The following LINC00632 variants were observed in gnomAD, a reference collection of about 807,000 sequenced individuals.
LINC00632 encodes the protein ALDOA related specific transcript.
At chrX:140,776,689 G>C (rs1931877133) in exon 5 of LINC00632, among the ~76,000 whole-genome samples, 1 of 111,884 alleles carries the variant, frequency 8.9e-6, no homozygotes, top group Non-Finnish European at 1.9e-5. Context: ...TTACACTGTC[G>C]GTGGGAGTGT....
At chrX:140,766,285 A>T (rs1425873862) in intron 3 of LINC00632, among the ~76,000 whole-genome samples, 2 of 111,877 alleles carry the variant, frequency 1.8e-5, no homozygotes, top group East Asian at 5.6e-4. Context: ...TATTTAAAAA[A>T]CTTCCATCCA....
At chrX:140,735,560 T>C (rs1404195653) in intron 3 of LINC00632, among the ~76,000 whole-genome samples, 1 of 110,348 alleles carries the variant, frequency 9.1e-6, no homozygotes, top group Non-Finnish European at 1.9e-5. Flanking sequence ...AAATGGTATT[T>C]ATTTATTTAT....
At chrX:140,767,724 T>C (rs1198388886) in intron 3 of LINC00632, among the ~76,000 whole-genome samples, 1 of 111,786 alleles carries the variant, frequency 8.9e-6, no homozygotes, top group Non-Finnish European at 1.9e-5. Context: ...GATAGATAGA[T>C]AGAGGAGAGG....
At chrX:140,778,430 C>G (rs1931898402) in exon 5 of LINC00632, among the ~76,000 whole-genome samples, 2 of 110,438 alleles carry the variant, frequency 1.8e-5, no homozygotes, top group Non-Finnish European at 3.8e-5. Context: ...CATGGTGAAA[C>G]CCCATCTCTA....
intron 3 of LINC00632, among the ~76,000 whole-genome samples, chrX:140,771,678 TA>T (rs1343775178): frequency 5.6e-4 from 11 of 19,668 alleles, no homozygotes; most frequent in Non-Finnish European, 8.2e-4. Flanking sequence ...TATATATATA[TA>T]TATATATTTT....
chrX:140,771,675 A>AT (rs1258797034), intron 3 of LINC00632, among the ~76,000 whole-genome samples: 35 of 25,189 alleles, frequency 1.4e-3, no homozygotes, highest in Non-Finnish European at 2.2e-3. Flanking sequence ...GTATATATAT[A>AT]TATATATATA....
intron 3 of LINC00632, among the ~76,000 whole-genome samples, chrX:140,739,367 GCAC>G (rs899041413): frequency 3.6e-5 from 4 of 109,732 alleles, no homozygotes; most frequent in Non-Finnish European, 7.6e-5. Flanking sequence ...TTACAGGCAT[GCAC>G]CACCACGCCC....
chrX:140,783,396 T>C, exon 5 of LINC00632: 2 of 473,022 alleles, frequency 4.2e-6, no homozygotes, highest in Non-Finnish European at 7.2e-6. Context: ...CAGCAATTAC[T>C]GGTCTTCCAC....
exon 5 of LINC00632, among the ~76,000 whole-genome samples, chrX:140,790,638 C>T (rs1321760636): frequency 1.8e-5 from 2 of 111,167 alleles, no homozygotes; most frequent in African/African-American, 6.5e-5. Flanking sequence ...ATGTCAAGAA[C>T]TGCCATCTTT....
At chrX:140,778,333 G>A (rs1029335237) in exon 5 of LINC00632, among the ~76,000 whole-genome samples, 3 of 112,324 alleles carry the variant, frequency 2.7e-5, no homozygotes, top group African/African-American at 3.2e-5. Flanking sequence ...TTGGCTGGGC[G>A]TGGTGGCTCA....
At chrX:140,774,742 TGTTTTA>T (rs1241180116) in exon 5 of LINC00632, among the ~76,000 whole-genome samples, 1 of 111,833 alleles carries the variant, frequency 8.9e-6, no homozygotes, top group Non-Finnish European at 1.9e-5. Context: ...TTTATTTTAT[TGTTTTA>T]GTTTGGTGAA....
exon 5 of LINC00632, among the ~76,000 whole-genome samples, chrX:140,789,079 T>A (rs1207141246): frequency 3.7e-5 from 4 of 109,021 alleles, no homozygotes; most frequent in East Asian, 5.7e-4. Flanking sequence ...TGACTCTTTG[T>A]TTTGTTACCT....
intron 3 of LINC00632, among the ~76,000 whole-genome samples, chrX:140,739,040 TA>T (rs1206872512): frequency 9.0e-6 from 1 of 111,060 alleles, no homozygotes. Context: ...AGAAAAAGTT[TA>T]AAAAGTAATA....
exon 5 of LINC00632, among the ~76,000 whole-genome samples, chrX:140,781,804 C>A (rs1462916466): frequency 8.9e-6 from 1 of 111,756 alleles, no homozygotes. Context: ...CACAGCCATC[C>A]CCATTCATTT....
chrX:140,725,594 C>T (rs980956413), intron 2 of LINC00632, among the ~76,000 whole-genome samples: 1 of 111,607 alleles, frequency 9.0e-6, no homozygotes, highest in African/African-American at 3.3e-5. Flanking sequence ...CTCTGTAACA[C>T]CCAAACTTGA....
In LINC00632 at chrX:140,774,764, T is replaced by G. The variant is rs181057485; in HGVS notation, n.2783T>G. On this transcript the variant is annotated non_coding_transcript_exon_variant, in exon 5 of 5. Coordinates refer to ENST00000648200, the Ensembl canonical transcript of LINC00632. ...TATTGTTTTAGTTTGGTGAACAAAC[T>G]GATTGTCTAGGCTTTCATAATACTC... Among the ~76,000 whole-genome samples, 714 of 111,645 alleles carry G rather than the reference T, an allele frequency of 6.4e-3. 3 individuals carry two copies. Among genetic ancestry groups the G allele is most frequent in the Non-Finnish European group, 0.01 (533 of 53,157 alleles).
In LINC00632 at chrX:140,775,521, G is replaced by C. The variant is rs995335406; in HGVS notation, n.3540G>C. On this transcript the variant is annotated non_coding_transcript_exon_variant, in exon 5 of 5. Coordinates refer to ENST00000648200, the Ensembl canonical transcript of LINC00632. ...TGAACTCAGTTGGACAGTTATTCTG[G>C]GGAATAGAGAGGAAGTCCAAATAAC... Among the ~76,000 whole-genome samples the C allele has an allele frequency of 4.5e-5, 5 of 111,954 alleles. No homozygotes were observed. The East Asian group carries it at 1.4e-3, about 31-fold the overall frequency.
exon 5 of LINC00632, among the ~76,000 whole-genome samples, chrX:140,785,189 TA>T (rs1467667261): frequency 9.9e-5 from 9 of 91,087 alleles, no homozygotes; most frequent in African/African-American, 1.8e-4. Flanking sequence ...AATAATATAA[TA>T]ATAATAATAA....
chrX:140,790,105 T>C (rs1932085124), exon 5 of LINC00632, among the ~76,000 whole-genome samples: 1 of 111,492 alleles, frequency 9.0e-6, no homozygotes, highest in Admixed American at 9.6e-5. Flanking sequence ...GGTCTTGAAC[T>C]CTTGGGCCAA....
Sources: gnomAD v4.1 joint callset for allele counts (sites outside exome capture counted in the v4.1 genomes callset) on GRCh38, gnomAD v4.1.1 for gene constraint, MANE v1.5 for transcripts, NCBI Gene and HGNC (gene_info 2026-07-23, HGNC 2026-07-21) for gene names.